The following FAM178B variants were observed in gnomAD, a reference collection of about 807,000 sequenced individuals.
The protein encoded by FAM178B is protein FAM178B.
A neutral mutation model predicts 91.7 loss-of-function variants in FAM178B; 82 were observed. The ratio of observed to expected loss-of-function variants is 0.89; its 90% CI spans 0.75 to 1.07. FAM178B has a LOEUF of 1.07. FAM178B is among the 50% of genes least tolerant of loss of function. FAM178B has a pLI of 0.00. For missense variants in FAM178B, 769 were observed against 846.7 expected (o/e 0.91, Z 1.14); for synonymous variants, 368 against 359.4 (o/e 1.02, Z -0.27).
intron 8 of FAM178B, among the ~76,000 whole-genome samples, chr2:96,945,279 A>C (rs373645883): frequency 2.6e-3 from 395 of 151,492 alleles, no homozygotes; most frequent in Middle Eastern, 0.014. Context: ...CCCACCCCCC[A>C]CACACACACT....
At chr2:96,968,214 T>C (rs1371802430) in intron 4 of FAM178B, among the ~76,000 whole-genome samples, 2 of 151,990 alleles carry the variant, frequency 1.3e-5, no homozygotes, top group African/African-American at 2.4e-5. Context: ...TGCAGCCACT[T>C]AGGGCAGCCC....
chr2:96,974,105 G>T (rs1461805007), intron 1 of FAM178B, among the ~76,000 whole-genome samples: 2 of 151,836 alleles, frequency 1.3e-5, no homozygotes, highest in Non-Finnish European at 2.9e-5. Context: ...AAAAGGGGCT[G>T]GGCGCAGTGG....
chr2:96,904,143 C>T (rs1312787762), intron 12 of FAM178B, among the ~76,000 whole-genome samples: 2 of 151,904 alleles, frequency 1.3e-5, no homozygotes, highest in African/African-American at 4.8e-5. Context: ...CAATCCTACT[C>T]CTAGGTACAA....
rs57498168 is a variant in FAM178B, at chr2:96,959,199, GAAAAAAAAAAAA to G, written c.887+1077_887+1088del. 1.1e-3 allele frequency among the ~76,000 whole-genome samples: 92 copies of G among 82,124 alleles called. 1 individual carries two copies. Among genetic ancestry groups the G allele is most frequent in the Middle Eastern group, 5.8e-3 (1 of 172 alleles). The allele number at this position is 82,124 out of a possible 152,430, so 53.9% of individuals were successfully genotyped here. A position where few individuals can be genotyped will look rare whatever the true frequency, so the allele number is the denominator to read the frequency against. On this transcript the variant is annotated intron_variant, in intron 6 of 16. Coordinates refer to ENST00000490605, the MANE Select transcript of FAM178B (RefSeq NM_001122646.3). The stretch of plus-strand genomic sequence containing the variant: ...GGGTGACAGAGCGAGACTCAGTTTT[GAAAAAAAAAAAA>G]AAAAAAAAAAAAAAAGTAATCCTGC...
chr2:96,986,097 G>A (rs1404479749), intron 1 of FAM178B, 144 bp downstream of exon 1: 1 of 1,443,012 alleles, frequency 6.9e-7, no homozygotes, highest in African/African-American at 1.4e-5. Flanking sequence ...GGGGTCGCAG[G>A]AACCTGAAAA....
rs1257018 is a variant in FAM178B at position 96,951,490 on chromosome 2, A to G, written c.888-6T>C. 1,186,034 of 1,550,236 alleles carry G rather than the reference A, an allele frequency of 0.77. 466,631 individuals carry two copies. Among genetic ancestry groups the G allele is most frequent in the African/African-American group, 0.95 (69,157 of 73,062 alleles). On this transcript the variant is annotated splice_region_variant and splice_polypyrimidine_tract_variant and intron_variant, in intron 6 of 16. Transcript: ENST00000490605. Reference sequence around the variant, plus strand: ...GCTGTTGGGCTGGCGGGGAGCTGGGAGGCAGAGGGCTGAGGTTAGGGGAGG... The same window carrying G: ...GCTGTTGGGCTGGCGGGGAGCTGGGGGGCAGAGGGCTGAGGTTAGGGGAGG...
chr2:96,888,495 A>G (rs2080582840), intron 14 of FAM178B, among the ~76,000 whole-genome samples: 1 of 152,238 alleles, frequency 6.6e-6, no homozygotes, highest in South Asian at 2.1e-4. Context: ...GGAGTTGAGC[A>G]TGCCAGCAAG....
chr2:96,965,751 G>A (rs1304316590), intron 5 of FAM178B, among the ~76,000 whole-genome samples: 1 of 151,928 alleles, frequency 6.6e-6, no homozygotes, highest in Non-Finnish European at 1.5e-5. Context: ...ACAGGCATGA[G>A]CCACCGTGCC....
intron 1 of FAM178B, among the ~76,000 whole-genome samples, chr2:96,976,651 C>T (rs939352823): frequency 2.0e-5 from 3 of 149,906 alleles, no homozygotes; most frequent in African/African-American, 7.4e-5. Flanking sequence ...TCAAGACCAG[C>T]CTGGCCAACA....
chr2:96,946,475 C>T (rs2081830505), intron 8 of FAM178B, among the ~76,000 whole-genome samples: 1 of 152,206 alleles, frequency 6.6e-6, no homozygotes, highest in Non-Finnish European at 1.5e-5. Flanking sequence ...GCATGGAATT[C>T]TGTAGGCCAG....
chr2:96,965,275 T>C (rs2082129640), intron 5 of FAM178B, among the ~76,000 whole-genome samples: 1 of 152,138 alleles, frequency 6.6e-6, no homozygotes, highest in South Asian at 2.1e-4. Flanking sequence ...CCCAAAGCGC[T>C]GGGATTACAA....
chr2:96,879,850 G>A (rs1015864336), intron 14 of FAM178B, among the ~76,000 whole-genome samples: 2 of 152,194 alleles, frequency 1.3e-5, no homozygotes, highest in Non-Finnish European at 1.5e-5. Flanking sequence ...GTGGACGCCC[G>A]AGTTGCCCGG....
At chr2:96,967,916 T>TG (rs2153375492) in intron 4 of FAM178B, among the ~76,000 whole-genome samples, 1 of 105,964 alleles carries the variant, frequency 9.4e-6, no homozygotes, top group East Asian at 2.4e-4. Flanking sequence ...TTGGTCTTTT[T>TG]TTTTTTTTTT....
Position 96,877,402 on chromosome 2 carries a change from AT to A in FAM178B, c.2007+487del, listed in dbSNP as rs897024279. Among the ~76,000 whole-genome samples, 705 of 132,314 alleles carry A rather than the reference AT, an allele frequency of 5.3e-3. 4 individuals are homozygous for A. Among genetic ancestry groups the A allele is most frequent in the Middle Eastern group, 3.9e-3 (1 of 254 alleles). 86.8% of individuals were successfully genotyped at this position (132,314 alleles called of 152,430 possible). On this transcript the variant is annotated intron_variant, in intron 16 of 16. Coordinates refer to ENST00000490605, the MANE Select transcript of FAM178B (RefSeq NM_001122646.3). ...CCTCCGCACCCACCCTGGGCACTGG[AT>A]TTTTTTTTTTTTTTTTTGAGATGGA...
intron 8 of FAM178B, among the ~76,000 whole-genome samples, chr2:96,940,012 C>A (rs998013576): frequency 6.6e-6 from 1 of 151,766 alleles, no homozygotes; most frequent in African/African-American, 2.4e-5. Flanking sequence ...TTTGAAAGGA[C>A]TATGCCAAGC....
chr2:96,924,084 G>A (rs2081393709), intron 9 of FAM178B, among the ~76,000 whole-genome samples: 1 of 152,206 alleles, frequency 6.6e-6, no homozygotes, highest in African/African-American at 2.4e-5. Flanking sequence ...ACAGAACTAT[G>A]TGAACTCTAA....
chr2:96,958,272 G>A (rs1248070929), intron 6 of FAM178B, among the ~76,000 whole-genome samples: 7 of 151,998 alleles, frequency 4.6e-5, no homozygotes, highest in Admixed American at 1.3e-4. Context: ...TGGTTTCACC[G>A]TGTTAGCCAG....
intron 14 of FAM178B, among the ~76,000 whole-genome samples, chr2:96,888,453 C>T (rs944428440): frequency 2.0e-5 from 3 of 152,210 alleles, no homozygotes; most frequent in Non-Finnish European, 4.4e-5. Flanking sequence ...GGGTAAGTGG[C>T]CTGTGCCCAG....
At chr2:96,891,516 A>G (rs1438561599) in intron 14 of FAM178B, among the ~76,000 whole-genome samples, 2 of 151,310 alleles carry the variant, frequency 1.3e-5, no homozygotes, top group Non-Finnish European at 1.5e-5. Context: ...TTAAAACTGG[A>G]TTCATTCGTT....
Sources: allele counts gnomAD v4.1 joint callset (sites outside exome capture counted in the v4.1 genomes callset), GRCh38; gene constraint gnomAD v4.1.1; transcripts MANE v1.5; gene names NCBI Gene and HGNC (gene_info 2026-07-23, HGNC 2026-07-21).